The following MTUS2 variants were observed in gnomAD, a reference collection of about 807,000 sequenced individuals.
MTUS2 encodes the protein microtubule-associated tumor suppressor candidate 2.
In MTUS2, 40 loss-of-function variants were observed where a neutral mutation model predicts 114.1. That is an observed-to-expected ratio of 0.35 (90% CI 0.27 to 0.46). The LOEUF (loss-of-function observed/expected upper bound fraction) is 0.46. Ranked by LOEUF, MTUS2 falls within the 20% of genes least tolerant of loss-of-function variation. The probability of loss-of-function intolerance (pLI) is 1.00; values close to 1 mark genes in which losing one functional copy is unlikely to be tolerated. For missense variants in MTUS2, 1,679 were observed against 1,705.4 expected, an observed-to-expected ratio of 0.98 and a Z score of 0.27; for synonymous variants, 688 against 672.0, an observed-to-expected ratio of 1.02 and a Z score of -0.37.
chr13:29,331,385 C>T (rs1593311652), intron 7 of MTUS2, among the ~76,000 whole-genome samples: 1 of 152,244 alleles, frequency 6.6e-6, no homozygotes, highest in Admixed American at 6.5e-5. Context: ...TCTGCAGAGA[C>T]AGTTTGACTC....
intron 2 of MTUS2, among the ~76,000 whole-genome samples, chr13:28,936,639 T>C (rs1881915258): frequency 6.6e-6 from 1 of 152,166 alleles, no homozygotes; most frequent in East Asian, 1.9e-4. Flanking sequence ...ATCTGTCCTG[T>C]CTGGCAGCGT....
At chr13:28,999,595 G>T (rs1442786102) in intron 2 of MTUS2, among the ~76,000 whole-genome samples, 1 of 152,210 alleles carries the variant, frequency 6.6e-6, no homozygotes, top group African/African-American at 2.4e-5. Context: ...TAGCAAATCA[G>T]TCACAAACAT....
At chr13:29,247,173 C>G (rs1184174486) in intron 5 of MTUS2, among the ~76,000 whole-genome samples, 2 of 152,152 alleles carry the variant, frequency 1.3e-5, no homozygotes, top group African/African-American at 2.4e-5. Context: ...GAAAGGACAC[C>G]TTATTCAACA....
At chr13:28,841,479 C>A (rs1304098773) in intron 2 of MTUS2, among the ~76,000 whole-genome samples, 1 of 152,102 alleles carries the variant, frequency 6.6e-6, no homozygotes, top group Middle Eastern at 3.2e-3. Context: ...GGAGAGCTGG[C>A]AGCTGCCACT....
At chr13:29,104,701 G>A (rs772751785) in intron 5 of MTUS2, among the ~76,000 whole-genome samples, 4 of 152,106 alleles carry the variant, frequency 2.6e-5, no homozygotes, top group African/African-American at 4.8e-5. Context: ...TTACCAGTTC[G>A]TCACATGAAG....
At chr13:29,004,421 A>AT (rs1217720898) in intron 2 of MTUS2, among the ~76,000 whole-genome samples, 1 of 152,220 alleles carries the variant, frequency 6.6e-6, no homozygotes, top group Non-Finnish European at 1.5e-5. Context: ...AGTTGTAGTC[A>AT]TGAAATGCTT....
rs569115185 is a variant in MTUS2, at chr13:28,911,834, C to T, written c.-243+71984C>T. On this transcript the variant is annotated intron_variant, in intron 2 of 15. Transcript: ENST00000612955. ...GAAACATCTGTTCATATTCTTTGCC[C>T]ACTTTTTAATGTTTTTTTTTTTTTT... Among the ~76,000 whole-genome samples, 42 of 147,024 alleles carry T rather than the reference C, an allele frequency of 2.9e-4. No homozygotes were observed. The South Asian group carries it at 8.5e-3, about 30-fold the overall frequency.
chr13:28,992,753 C>T (rs1884918294), intron 2 of MTUS2, among the ~76,000 whole-genome samples: 1 of 152,256 alleles, frequency 6.6e-6, no homozygotes, highest in East Asian at 1.9e-4. Flanking sequence ...ATATACACAA[C>T]ATACAATTTT....
intron 1 of MTUS2, among the ~76,000 whole-genome samples, chr13:28,831,572 A>AAGGGATCAATTTCTC (rs1874682324): frequency 5.9e-5 from 9 of 152,208 alleles, no homozygotes; most frequent in Non-Finnish European, 1.3e-4. Flanking sequence ...CCTGTTGTTA[A>AAGGGATCAATTTCTC]AGGGATCAAT....
At position 29,394,043 on chromosome 13, in the gene MTUS2, T is replaced by G. The variant is rs530511563; in HGVS notation, c.3117+34570T>G. Among the ~76,000 whole-genome samples the G allele has an allele frequency of 9.2e-5, 14 of 152,320 alleles. No homozygotes were observed. In the East Asian group the frequency reaches 1.7e-3, roughly 19 times the overall value. Reference sequence around the variant, plus strand: ...GACTTTTCCCTTTAGCTTAGTGATTTGGGAGCCCCAAGATTTATTTTCCTT... The same window carrying G: ...GACTTTTCCCTTTAGCTTAGTGATTGGGGAGCCCCAAGATTTATTTTCCTT... On this transcript the variant is annotated intron_variant, in intron 8 of 15. Transcript: ENST00000612955.
chr13:29,214,718 C>T (rs1895607740), intron 5 of MTUS2, among the ~76,000 whole-genome samples: 1 of 152,162 alleles, frequency 6.6e-6, no homozygotes, highest in Admixed American at 6.5e-5. Flanking sequence ...AGGGTTTCTG[C>T]AGAGAGATCC....
At chr13:29,463,536 G>A (rs370506984) in intron 9 of MTUS2, among the ~76,000 whole-genome samples, 113 of 152,258 alleles carry the variant, frequency 7.4e-4, no homozygotes, top group African/African-American at 2.5e-3. Context: ...AAGGGCACAC[G>A]CCCTATTGGG....
chr13:29,277,550 C>T (rs905592016), intron 5 of MTUS2, among the ~76,000 whole-genome samples: 1 of 152,196 alleles, frequency 6.6e-6, no homozygotes, highest in African/African-American at 2.4e-5. Flanking sequence ...GGCATTGGCA[C>T]GGTGATAGAC....
intron 2 of MTUS2, 39 bp from the exon 3 acceptor site, chr13:29,024,418 T>A: frequency 2.8e-6 from 1 of 359,694 alleles, no homozygotes; most frequent in Non-Finnish European, 4.9e-6. Flanking sequence ...GAAGTTCTAT[T>A]TGTCAATCTA....
chr13:29,167,872 G>A (rs1054509586), intron 5 of MTUS2, among the ~76,000 whole-genome samples: 3 of 152,124 alleles, frequency 2.0e-5, no homozygotes, highest in Non-Finnish European at 2.9e-5. Context: ...TAAAGGATAC[G>A]CAGATATTGT....
At chr13:28,969,766 G>T (rs976373988) in intron 2 of MTUS2, among the ~76,000 whole-genome samples, 1 of 151,740 alleles carries the variant, frequency 6.6e-6, no homozygotes, top group Non-Finnish European at 1.5e-5. Context: ...GTCTCCCAAA[G>T]TGCTGGGATT....
intron 12 of MTUS2, among the ~76,000 whole-genome samples, chr13:29,495,006 A>G (rs1268055932): frequency 1.3e-5 from 2 of 151,750 alleles, no homozygotes; most frequent in East Asian, 1.9e-4. Flanking sequence ...ACAACATGGT[A>G]AAACCCTGTC....
chr13:29,153,766 A>G (rs1478612952), intron 5 of MTUS2, among the ~76,000 whole-genome samples: 1 of 151,892 alleles, frequency 6.6e-6, no homozygotes, highest in Non-Finnish European at 1.5e-5. Flanking sequence ...TTCCTCTTTT[A>G]TTCTTCCTAT....
At chr13:29,456,207 C>G (rs776452789) in intron 9 of MTUS2, among the ~76,000 whole-genome samples, 33 of 151,994 alleles carry the variant, frequency 2.2e-4, no homozygotes, top group Admixed American at 6.6e-4. Flanking sequence ...AAAACAGAAC[C>G]TCTGAAATAA....
Sources: allele counts gnomAD v4.1 joint callset (sites outside exome capture counted in the v4.1 genomes callset), GRCh38; gene constraint gnomAD v4.1.1; transcripts MANE v1.5; gene names NCBI Gene and HGNC (gene_info 2026-07-23, HGNC 2026-07-21).